The following UCHL3 variants were observed in gnomAD, a reference collection of about 807,000 sequenced individuals.
UCHL3 encodes ubiquitin carboxyl-terminal hydrolase isozyme L3.
UCHL3 carries 22 observed loss-of-function variants against 35.8 expected under a neutral mutation model. The ratio of observed to expected loss-of-function variants is 0.61; its 90% CI spans 0.44 to 0.88. UCHL3 has a LOEUF of 0.88. Ranked by LOEUF, UCHL3 falls within the 40% of genes least tolerant of loss-of-function variation. UCHL3 has a pLI of 0.00. For missense variants in UCHL3, 229 were observed against 276.9 expected (o/e 0.83, Z 1.23); for synonymous variants, 90 against 92.8 (o/e 0.97, Z 0.17).
intron 2 of UCHL3, 140 bp downstream of exon 2, chr13:75,550,127 G>C: frequency 1.5e-6 from 2 of 1,360,716 alleles, no homozygotes; most frequent in Non-Finnish European, 2.1e-6. Flanking sequence ...GCTTTACGCG[G>C]GTCCGCCCCT....
At chr13:75,596,472 T>C (rs2032649190) in intron 7 of UCHL3, among the ~76,000 whole-genome samples, 1 of 152,130 alleles carries the variant, frequency 6.6e-6, no homozygotes, top group South Asian at 2.1e-4. Flanking sequence ...CTACTCTGAA[T>C]TGTGAATAGT....
chr13:75,563,883 T>G (rs1448353204), intron 3 of UCHL3, among the ~76,000 whole-genome samples: 4 of 151,710 alleles, frequency 2.6e-5, no homozygotes, highest in African/African-American at 9.7e-5. Context: ...ATGTAGCAAA[T>G]GTTAGGATCT....
chr13:75,590,101 G>A (rs1417049651), intron 6 of UCHL3: 16 of 1,303,584 alleles, frequency 1.2e-5, no homozygotes, highest in Non-Finnish European at 1.6e-5. Context: ...CCCTTCTTAC[G>A]TCTACCATCT....
intron 3 of UCHL3, among the ~76,000 whole-genome samples, chr13:75,562,746 T>A (rs936126373): frequency 6.6e-6 from 1 of 152,184 alleles, no homozygotes; most frequent in African/African-American, 2.4e-5. Context: ...TAGTAGATTA[T>A]CAGAGCTAAA....
chr13:75,581,164 C>G (rs1489106377), intron 6 of UCHL3, among the ~76,000 whole-genome samples: 2 of 151,452 alleles, frequency 1.3e-5, no homozygotes, highest in Admixed American at 1.3e-4. Flanking sequence ...TATCTACCCA[C>G]TAATGATCCC....
chr13:75,569,978 C>T (rs561729908), intron 6 of UCHL3, among the ~76,000 whole-genome samples: 12 of 152,184 alleles, frequency 7.9e-5, no homozygotes, highest in Non-Finnish European at 1.3e-4. Context: ...TTAGCTAGTT[C>T]AGCTGGGTTG....
At chr13:75,577,039 C>T (rs1413928226) in intron 6 of UCHL3, among the ~76,000 whole-genome samples, 3 of 152,022 alleles carry the variant, frequency 2.0e-5, no homozygotes, top group Non-Finnish European at 2.9e-5. Flanking sequence ...CGCTTGAGGC[C>T]AGGAGTTTGA....
chr13:75,554,905 C>T (rs553802502), intron 2 of UCHL3, among the ~76,000 whole-genome samples: 1 of 152,304 alleles, frequency 6.6e-6, no homozygotes, highest in East Asian at 1.9e-4. Context: ...TCTCCTCAGC[C>T]TTCACCTTCA....
chr13:75,562,072 T>C (rs1339483061), intron 3 of UCHL3, among the ~76,000 whole-genome samples: 10 of 152,034 alleles, frequency 6.6e-5, no homozygotes, highest in African/African-American at 1.9e-4. Context: ...ATGTTGATGA[T>C]TTGTCATATT....
At chr13:75,577,053 C>T (rs1172417166) in intron 6 of UCHL3, among the ~76,000 whole-genome samples, 1 of 152,094 alleles carries the variant, frequency 6.6e-6, no homozygotes, top group Non-Finnish European at 1.5e-5. Flanking sequence ...AGTTTGAGAC[C>T]AGCCTGGGCA....
intron 2 of UCHL3, among the ~76,000 whole-genome samples, chr13:75,556,613 A>C (rs1315509190): frequency 1.3e-5 from 2 of 152,142 alleles, no homozygotes. Flanking sequence ...CTAAAGAATG[A>C]GGAAGAATTT....
intron 3 of UCHL3, among the ~76,000 whole-genome samples, chr13:75,565,916 C>T (rs577867979): frequency 6.6e-6 from 1 of 152,308 alleles, no homozygotes; most frequent in South Asian, 2.1e-4. Flanking sequence ...TGGGCCCAGG[C>T]AGTCAGCTAT....
At chr13:75,574,283 T>A (rs2031955762) in intron 6 of UCHL3, among the ~76,000 whole-genome samples, 1 of 150,846 alleles carries the variant, frequency 6.6e-6, no homozygotes, top group Non-Finnish European at 1.5e-5. Flanking sequence ...TCCTTCTGTA[T>A]TTTTTTTTAT....
At chr13:75,592,454 A>ATACATATATATATATATGTATATATG (rs2032531000) in intron 6 of UCHL3, among the ~76,000 whole-genome samples, 4 of 118,832 alleles carry the variant, frequency 3.4e-5, no homozygotes, top group Non-Finnish European at 5.3e-5. Flanking sequence ...ATATATATAT[A>ATACATATATATATATATGTATATATG]TATATATATA....
intron 6 of UCHL3, among the ~76,000 whole-genome samples, chr13:75,592,423 T>TGTATATACGTATATAC (rs2032505213): frequency 5.1e-5 from 1 of 19,680 alleles, no homozygotes; most frequent in Non-Finnish European, 1.3e-4. Context: ...TTCATATATA[T>TGTATATACGTATATAC]ATATATATAT....
At chr13:75,579,028 A>G (rs1310442220) in intron 6 of UCHL3, among the ~76,000 whole-genome samples, 1 of 152,104 alleles carries the variant, frequency 6.6e-6, no homozygotes, top group Non-Finnish European at 1.5e-5. Context: ...ACTCTGAAGT[A>G]TAGTTTTTAG....
chr13:75,575,820 C>T (rs148665619), intron 6 of UCHL3, among the ~76,000 whole-genome samples: 20 of 152,278 alleles, frequency 1.3e-4, no homozygotes, highest in Admixed American at 3.3e-4. Flanking sequence ...GGCATGATCT[C>T]GGCTCACTGC....
chr13:75,592,440 AT>A (rs2032517813), intron 6 of UCHL3, among the ~76,000 whole-genome samples: 2 of 108,986 alleles, frequency 1.8e-5, no homozygotes, highest in Non-Finnish European at 3.8e-5. Context: ...ATATATATAT[AT>A]ATATATATAT....
chr13:75,554,500 C>T (rs905843363), intron 2 of UCHL3, among the ~76,000 whole-genome samples: 5 of 152,214 alleles, frequency 3.3e-5, no homozygotes, highest in Non-Finnish European at 7.3e-5. Context: ...CTTGCAAAGG[C>T]TATTCCAAAT....
Sources: gnomAD v4.1 joint callset for allele counts (sites outside exome capture counted in the v4.1 genomes callset) on GRCh38, gnomAD v4.1.1 for gene constraint, MANE v1.5 for transcripts, NCBI Gene and HGNC (gene_info 2026-07-23, HGNC 2026-07-21) for gene names.